Variants in SDCBP observed in about 807,000 individuals in gnomAD.
SDCBP encodes the protein syntenin-1.
SDCBP carries 22 observed loss-of-function variants against 30.5 expected under a neutral mutation model. The ratio of observed to expected loss-of-function variants is 0.72; its 90% CI spans 0.52 to 1.03. The LOEUF is 1.03. SDCBP is among the 50% of genes least tolerant of loss of function. SDCBP has a pLI of 0.00. For synonymous variants in SDCBP, 103 were observed against 118.7 expected (o/e 0.87, Z 0.86); for missense variants, 304 against 369.9 (o/e 0.82, Z 1.46).
At chr8:58,568,633 C>G (rs1001450035) in intron 2 of SDCBP, among the ~76,000 whole-genome samples, 2 of 152,112 alleles carry the variant, frequency 1.3e-5, no homozygotes, top group African/African-American at 4.8e-5. Flanking sequence ...ATTTACACCA[C>G]CATCACCACA....
chr8:58,577,887 C>G (rs756139246), intron 5 of SDCBP, 146 bp from the exon 6 acceptor site: 1 of 616,710 alleles, frequency 1.6e-6, no homozygotes, highest in Non-Finnish European at 2.8e-6. Context: ...TTAATATACT[C>G]ATATAGTTTT....
In SDCBP at chr8:58,565,087, A is replaced by G. The variant is rs1804633163; in HGVS notation, c.51+3A>G. On this transcript the variant is annotated splice_donor_region_variant and intron_variant, in intron 2 of 8. Transcript: ENST00000260130. ...TGAAGGTAGACAAAGTAATTCAGGT[A>G]TGATAGTTTAAATACTTTTGTCAAA... The G allele has an allele frequency of 6.5e-7, 1 of 1,527,508 alleles. No homozygotes were observed. Among genetic ancestry groups the G allele is most frequent in the East Asian group, 2.3e-5 (1 of 43,332 alleles). The allele number at this position is 1,527,508 out of a possible 1,614,324, so 94.6% of individuals were successfully genotyped here. A position where few individuals can be genotyped will look rare whatever the true frequency, so the allele number is the denominator to read the frequency against.
chr8:58,567,651 T>G (rs1804775035), intron 2 of SDCBP, among the ~76,000 whole-genome samples: 1 of 152,230 alleles, frequency 6.6e-6, no homozygotes, highest in Admixed American at 6.5e-5. Flanking sequence ...AAATGCCTCA[T>G]TAGACAGTTT....
chr8:58,572,406 C>T (rs558572493), intron 4 of SDCBP, 92 bp downstream of exon 4: 24 of 789,474 alleles, frequency 3.0e-5, no homozygotes, highest in Non-Finnish European at 5.1e-5. Flanking sequence ...CACAGATATA[C>T]TACTAGCATT....
chr8:58,562,648 G>T (rs1804499949), intron 1 of SDCBP, among the ~76,000 whole-genome samples: 1 of 152,072 alleles, frequency 6.6e-6, no homozygotes, highest in South Asian at 2.1e-4. Context: ...AATGAATATG[G>T]ATCTATACCA....
intron 1 of SDCBP, among the ~76,000 whole-genome samples, chr8:58,562,255 TAAAACC>T (rs1167567376): frequency 6.6e-6 from 1 of 152,024 alleles, no homozygotes; most frequent in African/African-American, 2.4e-5. Flanking sequence ...ATTAAAAAAA[TAAAACC>T]AAGAGCCAGC....
intron 6 of SDCBP, among the ~76,000 whole-genome samples, chr8:58,579,308 C>G (rs1041248826): frequency 6.6e-6 from 1 of 151,776 alleles, no homozygotes; most frequent in Non-Finnish European, 1.5e-5. Context: ...GTTAAAAAGC[C>G]TATGTCATTC....
chr8:58,557,827 T>C (rs1804230872), intron 1 of SDCBP, among the ~76,000 whole-genome samples: 1 of 152,134 alleles, frequency 6.6e-6, no homozygotes, highest in Non-Finnish European at 1.5e-5. Context: ...ATTACTCAGC[T>C]CGAAGGAAAG....
At chr8:58,556,093 A>T (rs1481639193) in intron 1 of SDCBP, among the ~76,000 whole-genome samples, 2 of 152,206 alleles carry the variant, frequency 1.3e-5, no homozygotes, top group Non-Finnish European at 2.9e-5. Context: ...TAATTTTTTA[A>T]AAAAATCAAT....
At chr8:58,554,539 A>G (rs1193357413) in intron 1 of SDCBP, among the ~76,000 whole-genome samples, 1 of 152,234 alleles carries the variant, frequency 6.6e-6, no homozygotes, top group Non-Finnish European at 1.5e-5. Flanking sequence ...TCACTCCATT[A>G]TAAATTAAAT....
chr8:58,563,222 T>C (rs943856689), intron 1 of SDCBP, among the ~76,000 whole-genome samples: 17 of 152,212 alleles, frequency 1.1e-4, no homozygotes, highest in Non-Finnish European at 1.5e-4. Context: ...TATAATGTGG[T>C]ATACATACAA....
intron 5 of SDCBP, 101 bp from the exon 6 acceptor site, chr8:58,577,932 G>T: frequency 1.2e-6 from 1 of 857,210 alleles, no homozygotes; most frequent in East Asian, 2.7e-5. Flanking sequence ...TTTGTCACTG[G>T]GGTAGAGTTT....
At chr8:58,563,918 T>C (rs1419215484) in intron 1 of SDCBP, among the ~76,000 whole-genome samples, 1 of 152,108 alleles carries the variant, frequency 6.6e-6, no homozygotes, top group Non-Finnish European at 1.5e-5. Context: ...CGTGAAGGGG[T>C]TGAGAAAGCT....
At chr8:58,555,029 A>G (rs1261128394) in intron 1 of SDCBP, among the ~76,000 whole-genome samples, 1 of 152,194 alleles carries the variant, frequency 6.6e-6, no homozygotes, top group Non-Finnish European at 1.5e-5. Flanking sequence ...TATAAGCTGT[A>G]TTTGCCTCCT....
intron 1 of SDCBP, among the ~76,000 whole-genome samples, chr8:58,563,420 G>T (rs919902175): frequency 8.5e-5 from 13 of 152,076 alleles, no homozygotes; most frequent in African/African-American, 3.1e-4. Context: ...GCTGGAAGGA[G>T]GGTAGAATGG....
At chr8:58,576,559 G>T (rs1046204542) in intron 5 of SDCBP, among the ~76,000 whole-genome samples, 5 of 152,086 alleles carry the variant, frequency 3.3e-5, no homozygotes, top group Non-Finnish European at 5.9e-5. Flanking sequence ...TGGTGAGATG[G>T]TTTTTGCAGA....
intron 1 of SDCBP, among the ~76,000 whole-genome samples, chr8:58,557,625 G>T (rs1287730502): frequency 6.6e-6 from 1 of 151,932 alleles, no homozygotes; most frequent in African/African-American, 2.4e-5. Flanking sequence ...TACATTGGGT[G>T]TAGGGGCCTT....
chr8:58,579,634 G>C lies in SDCBP; in HGVS notation c.590G>C (p.Arg197Pro). Residue 197 changes from arginine to proline, a missense_variant, in exon 7 of 9, where the codon CGG (arginine) becomes CCG (proline). Physicochemically the swap from Arg to Pro is moderately radical, Grantham distance 103. Transcript: ENST00000260130. ...AATTATGTTTGTAGGCCCTTTGAAC[G>C]GACGATTACCATGCATAAGGATAGC... ...TMTIRDRPFE[R>P]TITMHKDSTG... The C allele has an allele frequency of 6.4e-7, 1 of 1,566,394 alleles. No individual in the cohort carries two copies. Among genetic ancestry groups the C allele is most frequent in the Middle Eastern group, 2.3e-4 (1 of 4,366 alleles).
intron 1 of SDCBP, among the ~76,000 whole-genome samples, chr8:58,557,473 T>A (rs532426503): frequency 1.8e-3 from 253 of 137,036 alleles, no homozygotes; most frequent in African/African-American, 6.5e-3. Flanking sequence ...ATATTATATA[T>A]GTTATATATA....
Sources: gnomAD v4.1 joint callset for allele counts (sites outside exome capture counted in the v4.1 genomes callset) on GRCh38, gnomAD v4.1.1 for gene constraint, MANE v1.5 for transcripts, NCBI Gene and HGNC (gene_info 2026-07-23, HGNC 2026-07-21) for gene names.